ERI3: variants seen among roughly 807,000 people sequenced by gnomAD.
ERI3 encodes ERI1 exoribonuclease 3.
Under a neutral mutation model 44.4 loss-of-function variants are expected in ERI3, and 18 were observed. That is an observed-to-expected ratio of 0.41 (90% confidence interval 0.28 to 0.60). The LOEUF is 0.60. Ranked by LOEUF, ERI3 falls within the 20% of genes least tolerant of loss-of-function variation. ERI3 has a pLI of 0.36. For synonymous variants in ERI3, 183 were observed against 164.8 expected (o/e 1.11, Z -0.84); for missense variants, 294 against 435.5 (o/e 0.68, Z 2.89).
intron 3 of ERI3, among the ~76,000 whole-genome samples, chr1:44,332,334 T>C (rs912656596): frequency 1.3e-5 from 2 of 152,136 alleles, no homozygotes; most frequent in Non-Finnish European, 2.9e-5. Context: ...ATCTCAGCCC[T>C]GGGGAGGCCA....
In ERI3 at chr1:44,295,296, A is replaced by G. The variant is rs143540723; in HGVS notation, c.759-10389T>C. Among the ~76,000 whole-genome samples the G allele has an allele frequency of 4.2e-3, 642 of 152,302 alleles. 7 individuals carry two copies. The highest frequency in any genetic ancestry group is 6.5e-3 in the Admixed American group (99 of 15,306). ...TGTTCAAAAGAAAAAAAAGTTTAGTACTAAAAAAAATACTACCATTCCATC... is the reference window on the plus strand; with the variant it reads ...TGTTCAAAAGAAAAAAAAGTTTAGTGCTAAAAAAAATACTACCATTCCATC... On this transcript the variant is annotated intron_variant, in intron 6 of 8. Transcript: ENST00000372257.
In ERI3 at chr1:44,228,360, G is replaced by A. The variant is rs900555994; in HGVS notation, c.932-6720C>T. 5.9e-5 allele frequency among the ~76,000 whole-genome samples: 9 copies of A among 152,180 alleles called. No homozygotes were observed. Among genetic ancestry groups the A allele is most frequent in the African/African-American group, 1.9e-4 (8 of 41,422 alleles). On this transcript the variant is annotated intron_variant, in intron 8 of 8. Coordinates refer to ENST00000372257, the MANE Select transcript of ERI3 (RefSeq NM_024066.3). The surrounding 1 kb of genome is among the most constrained non-coding windows in gnomAD (Gnocchi z 4.3). The stretch of plus-strand genomic sequence containing the variant: ...TGATTAGCAGGCGATTTCTCTCACC[G>A]TAATAAGCGCGCTCCAAATAATTAG...
At chr1:44,222,536 G>C (rs962983102) in intron 8 of ERI3, among the ~76,000 whole-genome samples, 1 of 152,212 alleles carries the variant, frequency 6.6e-6, no homozygotes, top group South Asian at 2.1e-4. Context: ...GGAGGCTGGA[G>C]GATCAGGCCT....
chr1:44,281,601 A>AATATATAT lies in ERI3; in HGVS notation c.831+3226_831+3233dup, dbSNP rs1553189558. Among the ~76,000 whole-genome samples, 843 of 127,910 alleles carry AATATATAT rather than the reference A, an allele frequency of 6.6e-3. 9 individuals are homozygous for AATATATAT. Among genetic ancestry groups the AATATATAT allele is most frequent in the South Asian group, 0.014 (59 of 4,122 alleles). The allele number at this position is 127,910 out of a possible 152,430, so 83.9% of individuals were successfully genotyped here. ...AGACCCCGTCTCGAAAAAAAAAAAA[A>AATATATAT]ATATATATATATATATATAATATAT... On this transcript the variant is annotated intron_variant, in intron 7 of 8. Coordinates refer to ENST00000372257, the MANE Select transcript of ERI3 (RefSeq NM_024066.3).
chr1:44,264,357 C>A (rs933279626), intron 7 of ERI3, among the ~76,000 whole-genome samples: 3 of 152,224 alleles, frequency 2.0e-5, no homozygotes, highest in Non-Finnish European at 4.4e-5. Context: ...TTCTGCCCCC[C>A]TCTTGGCGTG....
At chr1:44,302,769 AC>A (rs1645754427) in intron 6 of ERI3, among the ~76,000 whole-genome samples, 1 of 152,136 alleles carries the variant, frequency 6.6e-6, no homozygotes, top group African/African-American at 2.4e-5. Context: ...GGGCATTCCC[AC>A]CGTGTATCAC....
chr1:44,313,130 A>G lies in ERI3; in HGVS notation c.666+39T>C, dbSNP rs1271333113. 4 of 1,586,202 alleles carry G rather than the reference A, an allele frequency of 2.5e-6. No individual in the cohort carries two copies. In the African/African-American group the frequency reaches 5.4e-5, roughly 21 times the overall value. On this transcript the variant is annotated intron_variant, in intron 5 of 8. Transcript: ENST00000372257. ...GGGGAGGGAGAGAAAGGCAGCAGGA[A>G]GGGGTCAGAGGTCAGGAATTAAAGG...
Position 44,270,649 on chromosome 1 carries a change from T to C in ERI3, c.831+14186A>G, listed in dbSNP as rs75058347. Among the ~76,000 whole-genome samples, 796 of 152,234 alleles carry C rather than the reference T, an allele frequency of 5.2e-3. 8 individuals carry two copies. The highest frequency in any genetic ancestry group is 0.018 in the African/African-American group (750 of 41,530). On this transcript the variant is annotated intron_variant, in intron 7 of 8. Transcript: ENST00000372257. ...GACTAGGACTAAGAGGCTGCCTCAT[T>C]TGACAGAATACAGACTCTAAGCAGC...
chr1:44,355,182 C>T lies in ERI3; in HGVS notation c.-156G>A, dbSNP rs1646976626. On this transcript the variant is annotated 5_prime_UTR_variant, in exon 1 of 9. Transcript: ENST00000372257. Reference sequence around the variant, plus strand: ...GGCCAGGCAGAGGCAGGGCCAGCTCCGCCCGCTCCCCACCGCCCGTTCCCG... The same window carrying T: ...GGCCAGGCAGAGGCAGGGCCAGCTCTGCCCGCTCCCCACCGCCCGTTCCCG... 2 of 1,197,930 alleles carry T rather than the reference C, an allele frequency of 1.7e-6. No homozygotes were observed. Among genetic ancestry groups the T allele is most frequent in the Admixed American group, 4.4e-5 (1 of 22,476 alleles). 74.2% of individuals were successfully genotyped at this position (1,197,930 alleles called of 1,614,324 possible).
intron 7 of ERI3, among the ~76,000 whole-genome samples, chr1:44,249,661 G>A (rs796155329): frequency 1.6e-4 from 25 of 152,252 alleles, no homozygotes; most frequent in African/African-American, 6.0e-4. Flanking sequence ...CAAATCAGGG[G>A]CTGAGTGTGA....
At chr1:44,289,049 G>A (rs1645451365) in intron 6 of ERI3, among the ~76,000 whole-genome samples, 1 of 152,174 alleles carries the variant, frequency 6.6e-6, no homozygotes, top group Non-Finnish European at 1.5e-5. Context: ...ACATCATCTG[G>A]TCATGCTTAT....
chr1:44,234,831 C>A (rs1263989818), intron 8 of ERI3, among the ~76,000 whole-genome samples: 2 of 151,962 alleles, frequency 1.3e-5, no homozygotes, highest in African/African-American at 4.8e-5. Flanking sequence ...GCATCTCCGC[C>A]TCCCAGGTTC....
chr1:44,328,365 C>A (rs1646358958), intron 3 of ERI3, among the ~76,000 whole-genome samples: 1 of 152,068 alleles, frequency 6.6e-6, no homozygotes, highest in Non-Finnish European at 1.5e-5. Context: ...CCAGTCCCAT[C>A]ACTTGAGAAC....
Position 44,355,189 on chromosome 1 carries a change from T to A in ERI3, c.-163A>T. Reference sequence around the variant, plus strand: ...CAGAGGCAGGGCCAGCTCCGCCCGCTCCCCACCGCCCGTTCCCGGCCGCCT... The same window carrying A: ...CAGAGGCAGGGCCAGCTCCGCCCGCACCCCACCGCCCGTTCCCGGCCGCCT... On this transcript the variant is annotated 5_prime_UTR_variant, in exon 1 of 9. Transcript: ENST00000372257. 1.7e-6 allele frequency: 2 copies of A among 1,201,568 alleles called. No individual in the cohort carries two copies. Among genetic ancestry groups the A allele is most frequent in the Non-Finnish European group, 2.1e-6 (2 of 968,570 alleles). 74.4% of individuals were successfully genotyped at this position (1,201,568 alleles called of 1,614,324 possible). A position where few individuals can be genotyped will look rare whatever the true frequency, so the allele number is the denominator to read the frequency against.
Position 44,342,857 on chromosome 1 carries a change from A to ATT in ERI3, c.212-3537_212-3536dup, listed in dbSNP as rs141853065. On this transcript the variant is annotated intron_variant, in intron 2 of 8. Coordinates refer to ENST00000372257, the MANE Select transcript of ERI3 (RefSeq NM_024066.3). ...TATATATATATATATATATATATAT[A>ATT]TTTTTTTTTTTTTTTTTTTTTTTTT... is the stretch of plus-strand genomic sequence containing the variant. 5.7e-4 allele frequency among the ~76,000 whole-genome samples: 11 copies of ATT among 19,172 alleles called. 1 individual carries two copies. Among genetic ancestry groups the ATT allele is most frequent in the Admixed American group, 1.9e-3 (2 of 1,036 alleles). The allele number at this position is 19,172 out of a possible 152,430, so 12.6% of individuals were successfully genotyped here. A position where few individuals can be genotyped will look rare whatever the true frequency, so the allele number is the denominator to read the frequency against.
At chr1:44,265,051 G>A (rs1572145572) in intron 7 of ERI3, among the ~76,000 whole-genome samples, 1 of 152,258 alleles carries the variant, frequency 6.6e-6, no homozygotes, top group East Asian at 1.9e-4. Flanking sequence ...CTAGCCTTGA[G>A]CCAGGAGGCC....
intron 3 of ERI3, among the ~76,000 whole-genome samples, chr1:44,333,084 A>C (rs761870077): frequency 3.9e-5 from 6 of 152,252 alleles, no homozygotes; most frequent in Non-Finnish European, 8.8e-5. Flanking sequence ...TCACACAGTC[A>C]TCATAACTCA....
chr1:44,226,166 G>A (rs1644033169), intron 8 of ERI3, among the ~76,000 whole-genome samples: 2 of 152,012 alleles, frequency 1.3e-5, no homozygotes, highest in Admixed American at 1.3e-4. Flanking sequence ...ATTTATGGAG[G>A]TGAAATGTGG....
chr1:44,297,629 T>C (rs545937610), intron 6 of ERI3, among the ~76,000 whole-genome samples: 26 of 152,318 alleles, frequency 1.7e-4, no homozygotes, highest in South Asian at 4.1e-4. Flanking sequence ...GAGACACTTA[T>C]GGAGCTGTCT....
Sources: gnomAD v4.1 joint callset for allele counts (sites outside exome capture counted in the v4.1 genomes callset) on GRCh38, gnomAD v4.1.1 for gene constraint, Gnocchi (gnomAD v3.1) non-coding constraint, MANE v1.5 for transcripts, NCBI Gene and HGNC (gene_info 2026-07-23, HGNC 2026-07-21) for gene names.